Variants in CALN1 observed in about 807,000 individuals in gnomAD.
The protein encoded by CALN1 is calneuron 1.
In CALN1, 17 loss-of-function variants were observed where a neutral mutation model predicts 30.6. The ratio of observed to expected loss-of-function variants is 0.56; its 90% CI spans 0.38 to 0.83. The LOEUF is 0.83. Ranked by LOEUF, CALN1 falls within the 40% of genes least tolerant of loss-of-function variation. The pLI is 0.00. For missense variants in CALN1, 291 were observed against 354.9 expected, an observed-to-expected ratio of 0.82 and a Z score of 1.45; for synonymous variants, 156 against 131.4, an observed-to-expected ratio of 1.19 and a Z score of -1.28.
At chr7:71,904,025 C>T (rs1040244875) in intron 5 of CALN1, among the ~76,000 whole-genome samples, 4 of 152,062 alleles carry the variant, frequency 2.6e-5, no homozygotes, top group African/African-American at 4.8e-5. Flanking sequence ...GTTAGAATGG[C>T]TATGATCAAA....
intron 2 of CALN1, among the ~76,000 whole-genome samples, chr7:72,343,563 A>C (rs1802480943): frequency 1.3e-5 from 2 of 150,502 alleles, no homozygotes; most frequent in South Asian, 4.3e-4. Flanking sequence ...AAAAAAAATC[A>C]ATATAACCAA....
intron 3 of CALN1, among the ~76,000 whole-genome samples, chr7:72,114,385 A>G (rs2129541755): frequency 6.6e-6 from 1 of 150,414 alleles, no homozygotes; most frequent in South Asian, 2.2e-4. Context: ...CTTGGAGGGA[A>G]GTGAGGTTTG....
chr7:72,019,483 G>A (rs760041469), intron 5 of CALN1, among the ~76,000 whole-genome samples: 3 of 152,180 alleles, frequency 2.0e-5, no homozygotes, highest in Non-Finnish European at 4.4e-5. Flanking sequence ...TTGATAGCTA[G>A]GGCATAAAAG....
At chr7:72,360,456 G>T (rs1157792179) in intron 2 of CALN1, among the ~76,000 whole-genome samples, 1 of 151,640 alleles carries the variant, frequency 6.6e-6, no homozygotes, top group African/African-American at 2.4e-5. Flanking sequence ...GAGAAAGATT[G>T]AAGACATCAC....
Position 72,164,029 on chromosome 7 carries a change from G to A in CALN1, c.245-57735C>T, listed in dbSNP as rs756968367. ...TACACATTAAAGAGAGAGAAAAAAC[G>A]GAGTAGGATGGACTCTAATCCAACA... On this transcript the variant is annotated intron_variant, in intron 3 of 6. Transcript: ENST00000395275. Among the ~76,000 whole-genome samples, 234 of 152,024 alleles carry A rather than the reference G, an allele frequency of 1.5e-3. 5 individuals carry two copies. The highest frequency in any genetic ancestry group is 5.4e-4 in the Non-Finnish European group (37 of 68,000).
intron 1 of CALN1, among the ~76,000 whole-genome samples, chr7:72,411,322 C>T (rs1024851967): frequency 2.0e-5 from 3 of 151,852 alleles, no homozygotes; most frequent in African/African-American, 4.8e-5. Flanking sequence ...CCACGTGAGA[C>T]CTAAGTCTCA....
intron 5 of CALN1, among the ~76,000 whole-genome samples, chr7:71,929,563 G>A (rs964781247): frequency 7.2e-5 from 11 of 152,098 alleles, no homozygotes; most frequent in South Asian, 2.1e-4. Context: ...TTGATTCCAC[G>A]TCCTTGCTAT....
At chr7:71,907,455 A>C (rs1794204232) in intron 5 of CALN1, among the ~76,000 whole-genome samples, 2 of 152,310 alleles carry the variant, frequency 1.3e-5, no homozygotes, top group South Asian at 4.1e-4. Context: ...ACTATGAAGC[A>C]CACCACACAG....
upstream of CALN1, among the ~76,000 whole-genome samples, chr7:72,416,785 G>A (rs973209820): frequency 2.0e-5 from 3 of 150,628 alleles, no homozygotes; most frequent in African/African-American, 2.4e-5. Flanking sequence ...GAACCTTCCC[G>A]GGCTTCATCC....
At chr7:72,452,678 G>T in the CALN1 span, among the ~76,000 whole-genome samples, 1 of 152,134 alleles carries the variant, frequency 6.6e-6, no homozygotes, top group Non-Finnish European at 1.5e-5. Context: ...CTTTATAGCA[G>T]TGCAAAACAG....
In CALN1 at chr7:71,782,748, A is replaced by T. The variant is rs1048771442; in HGVS notation, c.*5027T>A. ...AGCTGGTGAATAATGTTTCTTTTTT[A>T]AAATTATTTTTTGAGATGAAGTTTT... On this transcript the variant is annotated 3_prime_UTR_variant, in exon 7 of 7. Coordinates refer to ENST00000395275, the MANE Select transcript of CALN1 (RefSeq NM_031468.4). 3.3e-5 allele frequency: 5 copies of T among 151,990 alleles called. No homozygotes were observed. The highest frequency in any genetic ancestry group is 5.9e-5 in the Non-Finnish European group (4 of 68,008). The allele number at this position is 151,990 out of a possible 1,614,324, so 9.4% of individuals were successfully genotyped here.
intron 5 of CALN1, among the ~76,000 whole-genome samples, chr7:71,816,458 C>A (rs1345802116): frequency 6.6e-6 from 1 of 152,012 alleles, no homozygotes; most frequent in African/African-American, 2.4e-5. Flanking sequence ...ACACCAAGAC[C>A]CCCTGCCATG....
the CALN1 span, among the ~76,000 whole-genome samples, chr7:72,497,750 G>A: frequency 2.6e-5 from 4 of 151,950 alleles, no homozygotes; most frequent in Non-Finnish European, 5.9e-5. Flanking sequence ...CATCCACAAG[G>A]TTATTATACA....
At chr7:72,364,530 A>C (rs1438377289) in intron 2 of CALN1, among the ~76,000 whole-genome samples, 1 of 152,196 alleles carries the variant, frequency 6.6e-6, no homozygotes, top group East Asian at 1.9e-4. Flanking sequence ...TCTCTCTTTT[A>C]ACTAATATAG....
At chr7:72,274,438 G>A (rs532828607) in intron 3 of CALN1, among the ~76,000 whole-genome samples, 50 of 151,834 alleles carry the variant, frequency 3.3e-4, no homozygotes, top group Admixed American at 2.8e-3. Flanking sequence ...AACCTGGGAG[G>A]TGGAGGTTGC....
At chr7:72,279,346 C>T (rs890935161) in intron 2 of CALN1, among the ~76,000 whole-genome samples, 9 of 152,190 alleles carry the variant, frequency 5.9e-5, no homozygotes, top group Non-Finnish European at 1.0e-4. Context: ...ACATGCAATG[C>T]TCTGCATCTC....
At chr7:72,215,031 A>G (rs1017350732) in intron 3 of CALN1, among the ~76,000 whole-genome samples, 3 of 152,110 alleles carry the variant, frequency 2.0e-5, no homozygotes, top group African/African-American at 7.2e-5. Flanking sequence ...TGTAATCATA[A>G]TAGAAATAAA....
intron 6 of CALN1, among the ~76,000 whole-genome samples, chr7:71,793,593 TG>T (rs1786707306): frequency 6.6e-6 from 1 of 152,016 alleles, no homozygotes; most frequent in Non-Finnish European, 1.5e-5. Context: ...TTTGTTGGGC[TG>T]GGTGTGGTGG....
chr7:72,159,746 C>G (rs1319921927), intron 3 of CALN1, among the ~76,000 whole-genome samples: 1 of 150,748 alleles, frequency 6.6e-6, no homozygotes, highest in East Asian at 2.0e-4. Context: ...TGCAGTGAAC[C>G]AAGATCACGC....
Sources: allele counts gnomAD v4.1 joint callset (sites outside exome capture counted in the v4.1 genomes callset), GRCh38; gene constraint gnomAD v4.1.1; transcripts MANE v1.5; gene names NCBI Gene and HGNC (gene_info 2026-07-23, HGNC 2026-07-21).